EHBP1: variants seen among roughly 807,000 people sequenced by gnomAD.
EHBP1 encodes EH domain binding protein 1, also known as EH domain-binding protein 1.
EHBP1 carries 55 observed loss-of-function variants against 144.0 expected under a neutral mutation model. The ratio of observed to expected loss-of-function variants is 0.38; its 90% CI spans 0.31 to 0.48. EHBP1 has a LOEUF of 0.48. Ranked by LOEUF, EHBP1 falls within the 20% of genes least tolerant of loss-of-function variation. The pLI is 0.98. For missense variants in EHBP1, 1,200 were observed against 1,364.2 expected, an observed-to-expected ratio of 0.88 and a Z score of 1.90; for synonymous variants, 469 against 472.7, an observed-to-expected ratio of 0.99 and a Z score of 0.10.
chr2:62,796,576 A>T (rs114161066), intron 5 of EHBP1, among the ~76,000 whole-genome samples: 1 of 152,300 alleles, frequency 6.6e-6, no homozygotes, highest in African/African-American at 2.4e-5. Context: ...CATAAAACGT[A>T]ATTTTGATTG....
intron 1 of EHBP1, among the ~76,000 whole-genome samples, chr2:62,696,092 A>G (rs2034077206): frequency 6.6e-6 from 1 of 152,142 alleles, no homozygotes; most frequent in Non-Finnish European, 1.5e-5. Flanking sequence ...ACATTAACAT[A>G]AAGCTGTTTG....
chr2:62,746,613 AAG>A (rs1214994976), intron 2 of EHBP1, among the ~76,000 whole-genome samples: 2 of 152,112 alleles, frequency 1.3e-5, no homozygotes, highest in Non-Finnish European at 2.9e-5. Context: ...ATAAGAACAA[AAG>A]AGAACTTAGT....
At chr2:62,852,533 T>C (rs1045310182) in intron 7 of EHBP1, among the ~76,000 whole-genome samples, 2 of 152,124 alleles carry the variant, frequency 1.3e-5, no homozygotes, top group Non-Finnish European at 2.9e-5. Context: ...CTTTTTTGAT[T>C]ATTTATGAGA....
At chr2:63,041,455 T>G (rs989181844) in intron 21 of EHBP1, among the ~76,000 whole-genome samples, 14 of 152,232 alleles carry the variant, frequency 9.2e-5, no homozygotes, top group African/African-American at 3.4e-4. Flanking sequence ...TCTAGGATTT[T>G]GTACATCTTG....
intron 19 of EHBP1, among the ~76,000 whole-genome samples, chr2:63,017,194 C>T (rs1260995469): frequency 6.6e-6 from 1 of 152,030 alleles, no homozygotes; most frequent in Non-Finnish European, 1.5e-5. Flanking sequence ...TCCATTCTTT[C>T]ATGTCCTGTG....
chr2:63,028,759 A>C (rs562378983), intron 19 of EHBP1, among the ~76,000 whole-genome samples: 1 of 152,196 alleles, frequency 6.6e-6, no homozygotes, highest in Non-Finnish European at 1.5e-5. Flanking sequence ...CTTTCAGTAG[A>C]ATCTAATCAC....
At chr2:63,034,268 T>C (rs2061373678) in intron 19 of EHBP1, among the ~76,000 whole-genome samples, 1 of 152,068 alleles carries the variant, frequency 6.6e-6, no homozygotes, top group Non-Finnish European at 1.5e-5. Context: ...TGCTTTCACA[T>C]TTTAGTAATT....
intron 5 of EHBP1, among the ~76,000 whole-genome samples, chr2:62,817,295 G>A (rs1219689024): frequency 1.3e-5 from 2 of 152,152 alleles, no homozygotes; most frequent in African/African-American, 2.4e-5. Context: ...GCCTCTCTGG[G>A]AAAGTGAGTT....
chr2:62,787,450 A>G (rs2042897253), intron 5 of EHBP1, among the ~76,000 whole-genome samples: 1 of 123,374 alleles, frequency 8.1e-6, no homozygotes, highest in East Asian at 2.6e-4. Flanking sequence ...AGGCGTGGCA[A>G]GTTTGTCTAT....
intron 5 of EHBP1, among the ~76,000 whole-genome samples, chr2:62,821,995 C>T (rs892459932): frequency 6.6e-5 from 10 of 152,166 alleles, no homozygotes; most frequent in East Asian, 1.9e-4. Flanking sequence ...CAATTCTTTC[C>T]GTTATTTTTA....
chr2:62,791,241 T>G (rs933188958), intron 5 of EHBP1, among the ~76,000 whole-genome samples: 1 of 152,038 alleles, frequency 6.6e-6, no homozygotes, highest in Non-Finnish European at 1.5e-5. Context: ...TTTTTATGCT[T>G]CTTCAAATAG....
In EHBP1 at chr2:62,820,404, A is replaced by G. The variant is rs555776159; in HGVS notation, c.313-5683A>G. Among the ~76,000 whole-genome samples, 5 of 151,986 alleles carry G rather than the reference A, an allele frequency of 3.3e-5. No individual in the cohort carries two copies. In the South Asian group the frequency reaches 1.0e-3, roughly 32 times the overall value. ...TATCATTTCAGACATCTTTAAGTGT[A>G]CAATTCAGTGCCATTGAGTACATTC... On this transcript the variant is annotated intron_variant, in intron 5 of 22. Transcript: ENST00000431489.
chr2:62,827,770 T>A (rs1316508298), intron 6 of EHBP1, among the ~76,000 whole-genome samples: 1 of 151,562 alleles, frequency 6.6e-6, no homozygotes, highest in Non-Finnish European at 1.5e-5. Flanking sequence ...TGGGTTCAAG[T>A]GATTTTCCTG....
chr2:62,732,885 C>A (rs1283655242), intron 2 of EHBP1, among the ~76,000 whole-genome samples: 1 of 152,172 alleles, frequency 6.6e-6, no homozygotes, highest in Non-Finnish European at 1.5e-5. Context: ...GACATTTTCT[C>A]AAGTTAACTT....
chr2:62,872,755 C>T (rs904981508), intron 9 of EHBP1, among the ~76,000 whole-genome samples: 6 of 152,144 alleles, frequency 3.9e-5, no homozygotes. Flanking sequence ...AGTCCCAATT[C>T]CCCCACTTCC....
At chr2:62,839,723 C>G (rs1401070496) in intron 7 of EHBP1, among the ~76,000 whole-genome samples, 55 of 152,088 alleles carry the variant, frequency 3.6e-4, no homozygotes, top group African/African-American at 7.2e-4. Context: ...AATCATGAGT[C>G]AACTCCCATT....
At chr2:62,775,746 T>C (rs960330022) in intron 5 of EHBP1, among the ~76,000 whole-genome samples, 1 of 152,226 alleles carries the variant, frequency 6.6e-6, no homozygotes, top group Admixed American at 6.5e-5. Context: ...ATAATAACTC[T>C]GGTGTGAGTC....
At chr2:62,813,463 T>C (rs1332337631) in intron 5 of EHBP1, among the ~76,000 whole-genome samples, 1 of 152,022 alleles carries the variant, frequency 6.6e-6, no homozygotes, top group East Asian at 1.9e-4. Context: ...GGGAGCAAGG[T>C]TACAGCAGAG....
At chr2:62,842,949 T>A (rs1573659898) in intron 7 of EHBP1, among the ~76,000 whole-genome samples, 1 of 152,202 alleles carries the variant, frequency 6.6e-6, no homozygotes, top group Non-Finnish European at 1.5e-5. Flanking sequence ...AATATAGATG[T>A]AATGATTCAA....
Sources: allele counts gnomAD v4.1 joint callset (sites outside exome capture counted in the v4.1 genomes callset), GRCh38; gene constraint gnomAD v4.1.1; transcripts MANE v1.5; gene names NCBI Gene and HGNC (gene_info 2026-07-23, HGNC 2026-07-21).